The following ZNF804B variants were observed in gnomAD, a reference collection of about 807,000 sequenced individuals.
ZNF804B encodes the protein zinc finger protein 804B.
ZNF804B carries 80 observed loss-of-function variants against 101.4 expected under a neutral mutation model. The observed-to-expected ratio is 0.79, with a 90% CI of 0.66 to 0.95. ZNF804B has a LOEUF of 0.95. ZNF804B is among the 40% of genes least tolerant of loss of function. The pLI, the probability that ZNF804B is intolerant of heterozygous loss-of-function variation, is 0.00. For synonymous variants in ZNF804B, 622 were observed against 558.8 expected, an observed-to-expected ratio of 1.11 and a Z score of -1.59; for missense variants, 1,673 against 1,561.9, an observed-to-expected ratio of 1.07 and a Z score of -1.20.
chr7:88,843,012 T>G (rs1008870625), intron 1 of ZNF804B, among the ~76,000 whole-genome samples: 3 of 152,216 alleles, frequency 2.0e-5, no homozygotes, highest in Non-Finnish European at 2.9e-5. Flanking sequence ...AGAATTTATT[T>G]TCTGCTTTTT....
chr7:88,868,634 C>G (rs753142969), intron 1 of ZNF804B, among the ~76,000 whole-genome samples: 1 of 152,158 alleles, frequency 6.6e-6, no homozygotes, highest in Non-Finnish European at 1.5e-5. Flanking sequence ...GGCTTGCTGC[C>G]TTTATTGATG....
chr7:89,117,170 T>C (rs1468209), intron 1 of ZNF804B, among the ~76,000 whole-genome samples: 14,500 of 152,212 alleles, frequency 0.095, 754 homozygotes, highest in Middle Eastern at 0.14. Flanking sequence ...AAAAGGAGTG[T>C]GGTCCCTTTG....
At chr7:89,331,837 A>G (rs1214437064) in intron 3 of ZNF804B, among the ~76,000 whole-genome samples, 1 of 151,598 alleles carries the variant, frequency 6.6e-6, no homozygotes, top group African/African-American at 2.4e-5. Context: ...AGGAGAGCCA[A>G]TGATTTTAAA....
chr7:88,944,790 C>A (rs973415185), intron 1 of ZNF804B, among the ~76,000 whole-genome samples: 2 of 151,730 alleles, frequency 1.3e-5, no homozygotes, highest in Non-Finnish European at 2.9e-5. Flanking sequence ...AAATCCAAAA[C>A]TTTTTGAGTG....
intron 1 of ZNF804B, among the ~76,000 whole-genome samples, chr7:88,936,527 T>C (rs114960092): frequency 2.0e-5 from 3 of 152,094 alleles, no homozygotes; most frequent in South Asian, 4.2e-4. Flanking sequence ...AGAGGGGTAG[T>C]AAATGACCTT....
intron 1 of ZNF804B, among the ~76,000 whole-genome samples, chr7:89,093,354 T>G (rs921998082): frequency 1.3e-5 from 2 of 152,222 alleles, no homozygotes; most frequent in Non-Finnish European, 2.9e-5. Context: ...TCCCTTTTCC[T>G]CTACCCTTTT....
intron 2 of ZNF804B, among the ~76,000 whole-genome samples, chr7:89,255,370 CA>C (rs1188770699): frequency 6.6e-6 from 1 of 152,006 alleles, no homozygotes; most frequent in East Asian, 1.9e-4. Context: ...ACAGCAAAAC[CA>C]TATTATAGTG....
At chr7:89,074,747 T>C (rs2116303102) in intron 1 of ZNF804B, among the ~76,000 whole-genome samples, 1 of 152,116 alleles carries the variant, frequency 6.6e-6, no homozygotes, top group East Asian at 1.9e-4. Context: ...TTGGAACAGT[T>C]TGGAGGGCAC....
At chr7:88,882,289 T>A (rs1422221911) in intron 1 of ZNF804B, among the ~76,000 whole-genome samples, 2 of 152,120 alleles carry the variant, frequency 1.3e-5, no homozygotes, top group East Asian at 3.9e-4. Context: ...ACGTCAGTAA[T>A]CATCAGAGAA....
chr7:89,166,551 A>C (rs183993757), intron 1 of ZNF804B, among the ~76,000 whole-genome samples: 1 of 152,318 alleles, frequency 6.6e-6, no homozygotes, highest in East Asian at 1.9e-4. Flanking sequence ...AGGCAACCAC[A>C]GCTGCAGACT....
At chr7:89,319,852 C>G (rs2115965543) in intron 2 of ZNF804B, among the ~76,000 whole-genome samples, 1 of 152,164 alleles carries the variant, frequency 6.6e-6, no homozygotes, top group African/African-American at 2.4e-5. Flanking sequence ...TTGAGTTAGC[C>G]CAACACTCGT....
At chr7:89,234,511 C>G (rs1312908634) in intron 2 of ZNF804B, among the ~76,000 whole-genome samples, 1 of 152,026 alleles carries the variant, frequency 6.6e-6, no homozygotes, top group East Asian at 1.9e-4. Flanking sequence ...GTATGACTGG[C>G]TAGAGGGATG....
At chr7:88,941,638 T>C (rs1456164215) in intron 1 of ZNF804B, among the ~76,000 whole-genome samples, 1 of 151,972 alleles carries the variant, frequency 6.6e-6, no homozygotes, top group East Asian at 1.9e-4. Flanking sequence ...AGAGCACAGA[T>C]GATTTTTAAG....
chr7:89,254,745 A>T (rs1037563188), intron 2 of ZNF804B, among the ~76,000 whole-genome samples: 1 of 151,530 alleles, frequency 6.6e-6, no homozygotes, highest in African/African-American at 2.4e-5. Context: ...TCCCAGGTTC[A>T]AGCAATTCTC....
chr7:88,959,738 A>G (rs747253967), intron 1 of ZNF804B, among the ~76,000 whole-genome samples: 1 of 151,380 alleles, frequency 6.6e-6, no homozygotes, highest in African/African-American at 2.4e-5. Flanking sequence ...GTGTATAGTC[A>G]AAGTATTAAT....
chr7:89,152,714 C>T (rs1790898041), intron 1 of ZNF804B, among the ~76,000 whole-genome samples: 1 of 151,964 alleles, frequency 6.6e-6, no homozygotes, highest in African/African-American at 2.4e-5. Flanking sequence ...TGTTTTCTTG[C>T]CTTTAACATC....
rs1372147195 is a variant in ZNF804B, at chr7:89,155,008, C to T, written c.109-63147C>T. On this transcript the variant is annotated intron_variant, in intron 1 of 3. Coordinates refer to ENST00000333190, the MANE Select transcript of ZNF804B (RefSeq NM_181646.5). ...GCCTATATGAAAAATGTGATATGCTCCATCAATGTATGTACCAACTATGTA... is the reference window on the plus strand; with the variant it reads ...GCCTATATGAAAAATGTGATATGCTTCATCAATGTATGTACCAACTATGTA... Among the ~76,000 whole-genome samples, 4 of 151,930 alleles carry T rather than the reference C, an allele frequency of 2.6e-5. No individual in the cohort carries two copies. The South Asian group carries it at 6.3e-4, about 24-fold the overall frequency.
chr7:88,854,387 A>G (rs1190673768), intron 1 of ZNF804B, among the ~76,000 whole-genome samples: 1 of 109,226 alleles, frequency 9.2e-6, no homozygotes, highest in Non-Finnish European at 1.9e-5. Flanking sequence ...TCTGTACTGC[A>G]TTTCTTTCTT....
intron 1 of ZNF804B, among the ~76,000 whole-genome samples, chr7:88,850,411 C>G (rs1262542481): frequency 1.3e-5 from 2 of 152,048 alleles, no homozygotes; most frequent in African/African-American, 4.8e-5. Flanking sequence ...ATACAGTCTC[C>G]CGTGATTATT....
Sources: allele counts gnomAD v4.1 joint callset (sites outside exome capture counted in the v4.1 genomes callset), GRCh38; gene constraint gnomAD v4.1.1; transcripts MANE v1.5; gene names NCBI Gene and HGNC (gene_info 2026-07-23, HGNC 2026-07-21).